The following HACD2 variants were observed in gnomAD, a reference collection of about 807,000 sequenced individuals.
The protein encoded by HACD2 is 3-hydroxyacyl-CoA dehydratase 2, also known as very-long-chain (3R)-3-hydroxyacyl-CoA dehydratase 2.
Under a neutral mutation model 31.0 loss-of-function variants are expected in HACD2, and 15 were observed. The ratio of observed to expected loss-of-function variants is 0.48; its 90% CI spans 0.32 to 0.75. HACD2 has a LOEUF of 0.75. Among genes scored for constraint, HACD2 ranks in the 30% least tolerant of loss-of-function variants. The pLI, the probability that HACD2 is intolerant of heterozygous loss-of-function variation, is 0.03. For synonymous variants in HACD2, 115 were observed against 122.2 expected (o/e 0.94, Z 0.39); for missense variants, 283 against 313.0 (o/e 0.90, Z 0.72).
At chr3:123,558,330 G>T (rs967207936) in intron 3 of HACD2, among the ~76,000 whole-genome samples, 1 of 152,134 alleles carries the variant, frequency 6.6e-6, no homozygotes, top group Non-Finnish European at 1.5e-5. Flanking sequence ...CTGTATGACA[G>T]TATAATATTA....
At chr3:123,522,570 A>G (rs2056230029) in intron 4 of HACD2, among the ~76,000 whole-genome samples, 1 of 152,048 alleles carries the variant, frequency 6.6e-6, no homozygotes, top group Non-Finnish European at 1.5e-5. Context: ...AACTAACACA[A>G]TCTTTAAGTG....
intron 4 of HACD2, among the ~76,000 whole-genome samples, chr3:123,516,829 C>A (rs1377612131): frequency 6.6e-6 from 1 of 152,158 alleles, no homozygotes; most frequent in African/African-American, 2.4e-5. Context: ...ATGTGTTCAG[C>A]CTGTTTTCTG....
At chr3:123,553,613 T>A (rs1292773106) in intron 3 of HACD2, among the ~76,000 whole-genome samples, 3 of 152,202 alleles carry the variant, frequency 2.0e-5, no homozygotes, top group Non-Finnish European at 4.4e-5. Context: ...TAAGGCAGCA[T>A]TGATTCCCAA....
intron 2 of HACD2, among the ~76,000 whole-genome samples, chr3:123,578,945 T>C (rs1413076865): frequency 6.6e-6 from 1 of 152,234 alleles, no homozygotes; most frequent in East Asian, 1.9e-4. Context: ...ATTGTGGTTT[T>C]AGCAAGCCTG....
At chr3:123,516,719 C>T (rs1392888153) in intron 4 of HACD2, among the ~76,000 whole-genome samples, 1 of 152,182 alleles carries the variant, frequency 6.6e-6, no homozygotes, top group Non-Finnish European at 1.5e-5. Context: ...GATATATAAG[C>T]ATGCAATCAA....
intron 4 of HACD2, among the ~76,000 whole-genome samples, chr3:123,524,319 A>G (rs917190811): frequency 3.9e-5 from 6 of 152,230 alleles, no homozygotes; most frequent in South Asian, 2.1e-4. Context: ...TGCGTTTTTA[A>G]TAAGCCCTCT....
intron 4 of HACD2, among the ~76,000 whole-genome samples, chr3:123,523,136 CTG>C (rs935965739): frequency 1.2e-4 from 18 of 152,316 alleles, no homozygotes; most frequent in Admixed American, 1.2e-3. Flanking sequence ...CACGAGCACA[CTG>C]TGACCCAGCT....
At chr3:123,551,187 C>G (rs143069611) in intron 3 of HACD2, among the ~76,000 whole-genome samples, 3 of 152,108 alleles carry the variant, frequency 2.0e-5, no homozygotes, top group Non-Finnish European at 4.4e-5. Flanking sequence ...CTTACCCTTT[C>G]GGCGAAACAT....
chr3:123,527,024 T>C (rs1233260868), intron 4 of HACD2, among the ~76,000 whole-genome samples: 1 of 152,260 alleles, frequency 6.6e-6, no homozygotes, highest in African/African-American at 2.4e-5. Flanking sequence ...TTTGACTATA[T>C]TGGCAAAGTG....
chr3:123,542,146 C>CAAAAAAAAAAAAAAAAAAAAAA (rs11391480), intron 3 of HACD2, among the ~76,000 whole-genome samples: 1 of 41,104 alleles, frequency 2.4e-5, no homozygotes, highest in Non-Finnish European at 3.4e-5. Flanking sequence ...GACTCCGTCT[C>CAAAAAAAAAAAAAAAAAAAAAA]AAAAAAAAAA....
chr3:123,577,628 A>AC (rs2056922050), intron 2 of HACD2, among the ~76,000 whole-genome samples: 1 of 151,940 alleles, frequency 6.6e-6, no homozygotes, highest in Non-Finnish European at 1.5e-5. Flanking sequence ...CTCAAAAAAA[A>AC]AAAAAAAAAA....
intron 3 of HACD2, among the ~76,000 whole-genome samples, chr3:123,556,205 G>A (rs1315382306): frequency 2.6e-5 from 4 of 152,082 alleles, no homozygotes; most frequent in Non-Finnish European, 5.9e-5. Flanking sequence ...GGGAGGCCAA[G>A]GCAGGCAGAT....
chr3:123,549,312 C>A (rs2056594210), intron 3 of HACD2, among the ~76,000 whole-genome samples: 1 of 152,050 alleles, frequency 6.6e-6, no homozygotes, highest in Admixed American at 6.6e-5. Flanking sequence ...ATTAACAGAA[C>A]AATTTAGGAG....
chr3:123,512,745 T>C (rs1162704278), intron 4 of HACD2, among the ~76,000 whole-genome samples: 1 of 152,184 alleles, frequency 6.6e-6, no homozygotes, highest in Non-Finnish European at 1.5e-5. Flanking sequence ...GGTATTAGAC[T>C]GTGGTTGGAG....
chr3:123,566,308 C>T (rs560506056), intron 3 of HACD2, among the ~76,000 whole-genome samples: 5 of 151,724 alleles, frequency 3.3e-5, no homozygotes, highest in Non-Finnish European at 7.4e-5. Flanking sequence ...ATTTTTTAAA[C>T]AGAGACTCAC....
chr3:123,523,995 G>A (rs1007058037), intron 4 of HACD2, among the ~76,000 whole-genome samples: 1 of 152,212 alleles, frequency 6.6e-6, no homozygotes. Flanking sequence ...TTTGGACAGA[G>A]CACCAGAAAT....
intron 6 of HACD2, chr3:123,499,500 A>T (rs2107679047): frequency 1.0e-5 from 4 of 396,060 alleles, no homozygotes; most frequent in South Asian, 7.5e-5. Context: ...AAACACTCAC[A>T]TGAAATCTGG....
At chr3:123,571,460 A>G (rs1008776416) in intron 2 of HACD2, among the ~76,000 whole-genome samples, 2 of 152,216 alleles carry the variant, frequency 1.3e-5, no homozygotes, top group African/African-American at 4.8e-5. Context: ...AGTCAGAGAT[A>G]TTCAAAGAAC....
At chr3:123,500,728 A>C in intron 5 of HACD2, 35 bp from the exon 6 acceptor site, 70 of 1,482,876 alleles carry the variant, frequency 4.7e-5, no homozygotes, top group Non-Finnish European at 5.8e-5. Flanking sequence ...ACTGAGGCTC[A>C]AAGTCAGCTT....
Sources: gnomAD v4.1 joint callset for allele counts (sites outside exome capture counted in the v4.1 genomes callset) on GRCh38, gnomAD v4.1.1 for gene constraint, MANE v1.5 for transcripts, NCBI Gene and HGNC (gene_info 2026-07-23, HGNC 2026-07-21) for gene names.